RGS6: variants seen among roughly 807,000 people sequenced by gnomAD.
RGS6 encodes regulator of G-protein signaling 6.
A neutral mutation model predicts 78.5 loss-of-function variants in RGS6; 30 were observed. The ratio of observed to expected loss-of-function variants is 0.38; its 90% CI spans 0.29 to 0.52. The LOEUF (loss-of-function observed/expected upper bound fraction) is 0.52. RGS6 is among the 20% of genes least tolerant of loss of function. The pLI, the probability that RGS6 is intolerant of heterozygous loss-of-function variation, is 0.85. For missense variants in RGS6, 495 were observed against 609.7 expected, an observed-to-expected ratio of 0.81 and a Z score of 1.98; for synonymous variants, 206 against 206.0, an observed-to-expected ratio of 1.00 and a Z score of 0.00.
At chr14:72,605,244 C>A in the RGS6 span, among the ~76,000 whole-genome samples, 1 of 152,130 alleles carries the variant, frequency 6.6e-6, no homozygotes, top group Non-Finnish European at 1.5e-5. Flanking sequence ...GCGCAAATCC[C>A]AGCGAAGGGA....
At chr14:72,314,161 C>T (rs962810976) in intron 2 of RGS6, among the ~76,000 whole-genome samples, 3 of 152,170 alleles carry the variant, frequency 2.0e-5, no homozygotes, top group Non-Finnish European at 2.9e-5. Flanking sequence ...TAGCAGAAAG[C>T]CCAACTTACA....
chr14:72,116,505 C>T (rs1190792000), intron 2 of RGS6, among the ~76,000 whole-genome samples: 1 of 151,524 alleles, frequency 6.6e-6, no homozygotes, highest in Non-Finnish European at 1.5e-5. Flanking sequence ...TGGTATTCCT[C>T]CCTCTCTTCA....
the RGS6 span, among the ~76,000 whole-genome samples, chr14:71,871,716 C>G: frequency 6.6e-6 from 1 of 152,158 alleles, no homozygotes; most frequent in African/African-American, 2.4e-5. Context: ...CAGGTTCAGA[C>G]TATCCCTCTT....
intron 1 of RGS6, among the ~76,000 whole-genome samples, chr14:71,933,999 C>G (rs1012096955): frequency 1.3e-5 from 2 of 152,202 alleles, no homozygotes; most frequent in African/African-American, 4.8e-5. Context: ...CAACACGGCT[C>G]TTACATATCA....
At chr14:72,319,037 A>G (rs2071114421) in intron 2 of RGS6, among the ~76,000 whole-genome samples, 1 of 152,238 alleles carries the variant, frequency 6.6e-6, no homozygotes, top group African/African-American at 2.4e-5. Context: ...ATCTGAATCA[A>G]GAAGTTTCCA....
intron 3 of RGS6, among the ~76,000 whole-genome samples, chr14:72,445,816 A>G (rs1182395530): frequency 1.3e-5 from 2 of 152,320 alleles, no homozygotes; most frequent in East Asian, 1.9e-4. Context: ...GGGTTGAATT[A>G]TGTTCTCTCA....
intron 2 of RGS6, among the ~76,000 whole-genome samples, chr14:72,192,199 G>T (rs2097334950): frequency 6.6e-6 from 1 of 152,178 alleles, no homozygotes; most frequent in Non-Finnish European, 1.5e-5. Context: ...ATCAGATCTG[G>T]AGACATGAAG....
chr14:72,451,254 T>C (rs1400159011), intron 3 of RGS6, among the ~76,000 whole-genome samples: 1 of 152,186 alleles, frequency 6.6e-6, no homozygotes. Context: ...GCAGCTGTCA[T>C]GGTGGCTGAA....
chr14:72,099,414 C>T (rs2095481448), intron 2 of RGS6, among the ~76,000 whole-genome samples: 1 of 152,108 alleles, frequency 6.6e-6, no homozygotes, highest in Admixed American at 6.5e-5. Flanking sequence ...CTGCCTCGGC[C>T]TCCCAAAGTA....
intron 2 of RGS6, among the ~76,000 whole-genome samples, chr14:72,071,981 C>T (rs2094423441): frequency 6.6e-6 from 1 of 152,226 alleles, no homozygotes; most frequent in Non-Finnish European, 1.5e-5. Context: ...TTCTCTGTAA[C>T]AATCAGGTGT....
In RGS6 at chr14:72,302,811, G is replaced by A. The variant is rs184832723; in HGVS notation, c.85-49284G>A. Among the ~76,000 whole-genome samples the A allele has an allele frequency of 7.6e-4, 115 of 152,236 alleles. 1 individual carries two copies. In the East Asian group the frequency reaches 0.021, roughly 28 times the overall value. The stretch of plus-strand genomic sequence containing the variant: ...CCCCAGCCAGATCTCATCTTGAATT[G>A]TAGCTCCCATAATTCCCACATGTGG... On this transcript the variant is annotated intron_variant, in intron 2 of 17. Transcript: ENST00000553525.
intron 3 of RGS6, among the ~76,000 whole-genome samples, chr14:72,431,479 A>G (rs1224952891): frequency 6.6e-6 from 1 of 151,946 alleles, no homozygotes; most frequent in Admixed American, 6.6e-5. Context: ...CAGCCTCCCA[A>G]GTAGCTGGGA....
intron 2 of RGS6, among the ~76,000 whole-genome samples, chr14:72,282,391 C>A (rs534274862): frequency 1.3e-5 from 2 of 152,252 alleles, no homozygotes; most frequent in East Asian, 3.9e-4. Flanking sequence ...ATTTGCAATG[C>A]CCAAATTATA....
intron 2 of RGS6, among the ~76,000 whole-genome samples, chr14:72,183,640 C>T (rs530356631): frequency 4.0e-5 from 6 of 151,872 alleles, no homozygotes; most frequent in East Asian, 1.9e-4. Context: ...ATGAATAATA[C>T]GTTAAACCTG....
At chr14:72,010,593 C>T (rs1470096133) in intron 2 of RGS6, among the ~76,000 whole-genome samples, 10 of 152,158 alleles carry the variant, frequency 6.6e-5, no homozygotes, top group Non-Finnish European at 2.9e-5. Flanking sequence ...ATAAAAATTA[C>T]AGGGGGCCAT....
chr14:72,044,438 A>G (rs1165435722), intron 2 of RGS6, among the ~76,000 whole-genome samples: 1 of 152,180 alleles, frequency 6.6e-6, no homozygotes, highest in Admixed American at 6.5e-5. Flanking sequence ...GATACAACAA[A>G]AAGGGAGAGG....
chr14:72,454,673 T>A (rs1290443784), intron 4 of RGS6, 95 bp downstream of exon 4: 1 of 914,188 alleles, frequency 1.1e-6, no homozygotes, highest in Non-Finnish European at 1.7e-6. Context: ...TCCTGAGAAC[T>A]GGTCTTGTAA....
intron 2 of RGS6, among the ~76,000 whole-genome samples, chr14:72,154,563 T>C (rs533216314): frequency 2.6e-3 from 401 of 152,200 alleles, no homozygotes; most frequent in Non-Finnish European, 4.9e-3. Flanking sequence ...GTAAGGGCAG[T>C]AGTTTGTGTT....
the RGS6 span, among the ~76,000 whole-genome samples, chr14:71,878,644 T>A: frequency 6.6e-6 from 1 of 152,326 alleles, no homozygotes; most frequent in South Asian, 2.1e-4. Flanking sequence ...GGTGAGGCAA[T>A]GCCTTGCCCT....
Sources: gnomAD v4.1 joint callset for allele counts (sites outside exome capture counted in the v4.1 genomes callset) on GRCh38, gnomAD v4.1.1 for gene constraint, MANE v1.5 for transcripts, NCBI Gene and HGNC (gene_info 2026-07-23, HGNC 2026-07-21) for gene names.